SLIT3: variants seen among roughly 807,000 people sequenced by gnomAD.
The protein encoded by SLIT3 is slit guidance ligand 3.
SLIT3 carries 68 observed loss-of-function variants against 184.0 expected under a neutral mutation model. The ratio of observed to expected loss-of-function variants is 0.37; its 90% CI spans 0.30 to 0.45. The LOEUF is 0.45. SLIT3 is among the 20% of genes least tolerant of loss of function. The pLI, the probability that SLIT3 is intolerant of heterozygous loss-of-function variation, is 1.00. For missense variants in SLIT3, 1,707 were observed against 2,026.0 expected (o/e 0.84, Z 3.02); for synonymous variants, 831 against 828.6 (o/e 1.00, Z -0.05).
At chr5:168,982,740 G>A (rs1375714785) in intron 4 of SLIT3, among the ~76,000 whole-genome samples, 1 of 152,166 alleles carries the variant, frequency 6.6e-6, no homozygotes, top group Non-Finnish European at 1.5e-5. Flanking sequence ...GAGTGGACTA[G>A]AGCTGACATT....
At chr5:169,280,639 G>A (rs1304905105) in intron 1 of SLIT3, among the ~76,000 whole-genome samples, 1 of 152,148 alleles carries the variant, frequency 6.6e-6, no homozygotes, top group African/African-American at 2.4e-5. Context: ...GGGACACTGA[G>A]ATTTGGTTCT....
chr5:168,847,223 A>G (rs1416476014), intron 5 of SLIT3, among the ~76,000 whole-genome samples: 2 of 152,258 alleles, frequency 1.3e-5, no homozygotes, highest in African/African-American at 2.4e-5. Flanking sequence ...GGTGTATTTT[A>G]TAGACTATTT....
intron 14 of SLIT3, 46 bp downstream of exon 14, chr5:168,772,735 T>C (rs1755598668): frequency 1.9e-6 from 3 of 1,606,776 alleles, no homozygotes; most frequent in South Asian, 2.2e-5. Context: ...CTGGGGCTGC[T>C]GCATTCTGAG....
intron 1 of SLIT3, among the ~76,000 whole-genome samples, chr5:169,271,446 C>T (rs541599929): frequency 6.6e-5 from 10 of 152,296 alleles, no homozygotes; most frequent in East Asian, 5.8e-4. Context: ...AAAGGCTCCT[C>T]TCTTGAATGG....
chr5:169,059,241 G>C (rs182961225), intron 4 of SLIT3, among the ~76,000 whole-genome samples: 15 of 152,250 alleles, frequency 9.9e-5, no homozygotes, highest in Non-Finnish European at 1.6e-4. Flanking sequence ...TTCTATGGAA[G>C]ACACCAAGTG....
At chr5:168,982,822 A>G (rs1754996210) in intron 4 of SLIT3, among the ~76,000 whole-genome samples, 1 of 152,156 alleles carries the variant, frequency 6.6e-6, no homozygotes, top group Non-Finnish European at 1.5e-5. Flanking sequence ...GGGCCTTGTA[A>G]GAATCTCTTT....
chr5:169,179,826 G>C (rs1763100171), intron 4 of SLIT3, among the ~76,000 whole-genome samples: 1 of 152,110 alleles, frequency 6.6e-6, no homozygotes, highest in Non-Finnish European at 1.5e-5. Context: ...ATTTTGGAGA[G>C]ACCAGGTTCC....
chr5:169,225,607 T>C (rs1764778702), intron 3 of SLIT3, among the ~76,000 whole-genome samples: 1 of 152,124 alleles, frequency 6.6e-6, no homozygotes. Context: ...CATAAGACTG[T>C]ATGAGACTGG....
intron 4 of SLIT3, among the ~76,000 whole-genome samples, chr5:168,946,056 A>T (rs1762473058): frequency 6.6e-6 from 1 of 152,194 alleles, no homozygotes; most frequent in Non-Finnish European, 1.5e-5. Flanking sequence ...CGACAATGCT[A>T]GGGGGGAGTC....
chr5:168,912,045 G>T (rs1761268711), intron 4 of SLIT3, among the ~76,000 whole-genome samples: 1 of 152,122 alleles, frequency 6.6e-6, no homozygotes. Flanking sequence ...GCCACCCCAA[G>T]ACAGCAAATC....
intron 4 of SLIT3, chr5:169,120,232 AG>A (rs1462573366): frequency 6.6e-6 from 1 of 152,234 alleles, no homozygotes; most frequent in African/African-American, 2.4e-5. Context: ...CAAAGGCAAC[AG>A]GGACCAAATT....
At position 169,034,816 on chromosome 5, in the gene SLIT3, G is replaced by C. The variant is rs933811496; in HGVS notation, c.414-151480C>G. The stretch of plus-strand genomic sequence containing the variant: ...TGGAGTGCAGTGGCTTGCAATCACT[G>C]CTTACTGCAGCCTTGACCTCTCCAT... On this transcript the variant is annotated intron_variant, in intron 4 of 35. Transcript: ENST00000519560. 2.0e-5 allele frequency among the ~76,000 whole-genome samples: 3 copies of C among 149,580 alleles called. No individual in the cohort carries two copies. In the East Asian group the frequency reaches 5.9e-4, roughly 29 times the overall value.
intron 4 of SLIT3, among the ~76,000 whole-genome samples, chr5:168,993,508 G>A (rs1187028269): frequency 2.6e-5 from 4 of 152,210 alleles, no homozygotes; most frequent in African/African-American, 7.2e-5. Context: ...ATCCCCCATG[G>A]GGGTCAACCT....
chr5:168,849,188 T>C (rs1234913842), intron 5 of SLIT3, among the ~76,000 whole-genome samples: 2 of 152,198 alleles, frequency 1.3e-5, no homozygotes, highest in African/African-American at 4.8e-5. Context: ...AAACTAGGTA[T>C]CTACATGCAA....
intron 3 of SLIT3, among the ~76,000 whole-genome samples, chr5:169,219,717 C>T (rs17070999): frequency 0.28 from 42,816 of 152,138 alleles, 6,583 homozygotes; most frequent in Middle Eastern, 0.35. Flanking sequence ...TGACACATTC[C>T]GGGGTGTCTA....
chr5:168,916,931 C>T (rs566914267), intron 4 of SLIT3, among the ~76,000 whole-genome samples: 19 of 152,240 alleles, frequency 1.2e-4, no homozygotes, highest in Admixed American at 3.3e-4. Context: ...ACCTCACCCA[C>T]GGTGCTTTGT....
intron 4 of SLIT3, among the ~76,000 whole-genome samples, chr5:168,947,744 T>C (rs549477146): frequency 2.0e-5 from 3 of 152,248 alleles, no homozygotes; most frequent in African/African-American, 7.2e-5. Context: ...TGGGCAATAA[T>C]GGGGAAGGAG....
intron 8 of SLIT3, among the ~76,000 whole-genome samples, chr5:168,816,375 C>T (rs752970927): frequency 9.9e-5 from 15 of 152,038 alleles, no homozygotes; most frequent in African/African-American, 1.7e-4. Flanking sequence ...TTAGTAGAGA[C>T]GGGGTTTCAC....
At chr5:168,755,389 A>ATTTATTTATTTCTTTCTTTCTTTCTTTC (rs1213373035) in intron 16 of SLIT3, among the ~76,000 whole-genome samples, 2 of 133,640 alleles carry the variant, frequency 1.5e-5, no homozygotes, top group East Asian at 2.4e-4. Flanking sequence ...CAGTGCCGCC[A>ATTTATTTATTTCTTTCTTTCTTTCTTTC]TTTCTTTCTT....
Sources: gnomAD v4.1 joint callset for allele counts (sites outside exome capture counted in the v4.1 genomes callset) on GRCh38, gnomAD v4.1.1 for gene constraint, MANE v1.5 for transcripts, NCBI Gene and HGNC (gene_info 2026-07-23, HGNC 2026-07-21) for gene names.